The following MYO1E variants were observed in gnomAD, a reference collection of about 807,000 sequenced individuals.
MYO1E encodes the protein myosin IE.
In MYO1E, 68 loss-of-function variants were observed where a neutral mutation model predicts 151.1. The observed-to-expected ratio is 0.45, with a 90% CI of 0.37 to 0.55. MYO1E has a LOEUF of 0.55. Ranked by LOEUF, MYO1E falls within the 20% of genes least tolerant of loss-of-function variation. The probability of loss-of-function intolerance (pLI) is 0.00; values close to 1 mark genes in which losing one functional copy is unlikely to be tolerated. For synonymous variants in MYO1E, 601 were observed against 501.7 expected, an observed-to-expected ratio of 1.20 and a Z score of -2.64; for missense variants, 1,363 against 1,389.3, an observed-to-expected ratio of 0.98 and a Z score of 0.30.
chr15:59,319,851 G>A (rs1011246632), intron 1 of MYO1E, among the ~76,000 whole-genome samples: 2 of 151,992 alleles, frequency 1.3e-5, no homozygotes, highest in African/African-American at 2.4e-5. Context: ...GCAGTGAGCC[G>A]AGACCATGCC....
At chr15:59,292,309 C>T (rs577278959) in intron 1 of MYO1E, among the ~76,000 whole-genome samples, 2 of 152,298 alleles carry the variant, frequency 1.3e-5, no homozygotes, top group East Asian at 3.9e-4. Context: ...AAGCCTTAAT[C>T]CACCTTTTCC....
At chr15:59,333,331 C>A (rs1314615950) in intron 1 of MYO1E, among the ~76,000 whole-genome samples, 1 of 152,094 alleles carries the variant, frequency 6.6e-6, no homozygotes, top group Non-Finnish European at 1.5e-5. Flanking sequence ...CCTTGAACTC[C>A]CAGGCTCAAG....
At chr15:59,358,600 C>T (rs560266046) in intron 1 of MYO1E, among the ~76,000 whole-genome samples, 2 of 152,224 alleles carry the variant, frequency 1.3e-5, no homozygotes, top group Admixed American at 1.3e-4. Context: ...GATATTAAGG[C>T]CCAGCAATTT....
At chr15:59,353,807 T>C (rs569797468) in intron 1 of MYO1E, among the ~76,000 whole-genome samples, 10 of 150,700 alleles carry the variant, frequency 6.6e-5, no homozygotes, top group African/African-American at 2.4e-4. Flanking sequence ...TAAAGAAACC[T>C]CTACATTTTG....
intron 2 of MYO1E, among the ~76,000 whole-genome samples, chr15:59,264,089 T>C (rs1483260576): frequency 2.6e-5 from 4 of 152,206 alleles, no homozygotes; most frequent in Non-Finnish European, 5.9e-5. Context: ...CTTTTTTTCA[T>C]ATTTTGGAAC....
At chr15:59,280,337 A>T (rs1433533526) in intron 1 of MYO1E, among the ~76,000 whole-genome samples, 4 of 152,194 alleles carry the variant, frequency 2.6e-5, no homozygotes, top group African/African-American at 9.7e-5. Flanking sequence ...AGGATGTCTT[A>T]TAATCAACTG....
intron 6 of MYO1E, among the ~76,000 whole-genome samples, chr15:59,231,206 C>A (rs145624617): frequency 6.6e-6 from 1 of 152,126 alleles, no homozygotes; most frequent in Non-Finnish European, 1.5e-5. Context: ...CAGAGGGCTG[C>A]GGTGGGCAGG....
intron 4 of MYO1E, among the ~76,000 whole-genome samples, chr15:59,240,248 T>G (rs563452300): frequency 2.6e-5 from 4 of 152,346 alleles, no homozygotes; most frequent in African/African-American, 4.8e-5. Context: ...AGTCTAGGAA[T>G]AGGAATTTCT....
chr15:59,354,537 T>A (rs1049267104), intron 1 of MYO1E, among the ~76,000 whole-genome samples: 3 of 152,198 alleles, frequency 2.0e-5, no homozygotes, highest in Admixed American at 6.5e-5. Context: ...GTGGCAGAAC[T>A]CGAACAGACT....
chr15:59,183,325 T>G (rs984509631), intron 18 of MYO1E, among the ~76,000 whole-genome samples: 2 of 148,418 alleles, frequency 1.3e-5, no homozygotes, highest in Non-Finnish European at 3.0e-5. Flanking sequence ...AAACCCAGAA[T>G]AGATTAAAAA....
rs113881904 is a variant in MYO1E, at chr15:59,217,806, G to A, written c.1107+85C>T. ...GCCTCTCAAAGTACTGGGATTACAG[G>A]TGTGAGCCACCGCACCCAGCCTACT... On this transcript the variant is annotated intron_variant, in intron 10 of 27. Coordinates refer to ENST00000288235, the MANE Select transcript of MYO1E (RefSeq NM_004998.4). The A allele has an allele frequency of 3.3e-3, 4,916 of 1,473,916 alleles. 137 individuals are homozygous for A. The African/African-American group carries it at 0.059, about 18-fold the overall frequency. 91.3% of individuals were successfully genotyped at this position (1,473,916 alleles called of 1,614,324 possible). A position where few individuals can be genotyped will look rare whatever the true frequency, so the allele number is the denominator to read the frequency against.
At chr15:59,176,161 C>A (rs1190956272) in intron 19 of MYO1E, among the ~76,000 whole-genome samples, 1 of 152,014 alleles carries the variant, frequency 6.6e-6, no homozygotes, top group African/African-American at 2.4e-5. Flanking sequence ...TGGGTTCACG[C>A]CATTCTCCTG....
chr15:59,302,950 C>A (rs1277705373), intron 1 of MYO1E, among the ~76,000 whole-genome samples: 5 of 152,110 alleles, frequency 3.3e-5, no homozygotes, highest in African/African-American at 1.2e-4. Context: ...TCTCTTAGGC[C>A]AAGGCATCTC....
At chr15:59,267,470 G>A (rs1055549679) in intron 2 of MYO1E, among the ~76,000 whole-genome samples, 7 of 152,204 alleles carry the variant, frequency 4.6e-5, no homozygotes, top group Admixed American at 6.5e-5. Context: ...CCTGGAACTC[G>A]AAGCTTTGGC....
In MYO1E at chr15:59,292,530, CAATGTGCAGTTCCT is replaced by C. The variant is rs558928026; in HGVS notation, c.4-20095_4-20082del. ...ACAGATGGCAATGGGAGGCCTAAAA[CAATGTGCAGTTCCT>C]TTCTATTCTGGTTTGCCCCATTGTG... On this transcript the variant is annotated intron_variant, in intron 1 of 27. Coordinates refer to ENST00000288235, the MANE Select transcript of MYO1E (RefSeq NM_004998.4). Among the ~76,000 whole-genome samples, 66 of 152,332 alleles carry C rather than the reference CAATGTGCAGTTCCT, an allele frequency of 4.3e-4. No homozygotes were observed. The South Asian group carries it at 0.013, about 31-fold the overall frequency.
intron 1 of MYO1E, among the ~76,000 whole-genome samples, chr15:59,276,022 G>A (rs892022379): frequency 6.6e-6 from 1 of 152,206 alleles, no homozygotes; most frequent in African/African-American, 2.4e-5. Flanking sequence ...GCTCTAGGGA[G>A]CAGAGGCTGA....
At chr15:59,290,242 C>T (rs2080411149) in intron 1 of MYO1E, among the ~76,000 whole-genome samples, 1 of 152,132 alleles carries the variant, frequency 6.6e-6, no homozygotes, top group South Asian at 2.1e-4. Flanking sequence ...ATGGATTCCC[C>T]ACTCGGTGAA....
chr15:59,153,912 C>T (rs1379737819), intron 25 of MYO1E, 121 bp from the exon 26 acceptor site: 10 of 922,478 alleles, frequency 1.1e-5, no homozygotes, highest in South Asian at 5.7e-5. Flanking sequence ...TCTCAATTTC[C>T]GCATTTGAAA....
intron 4 of MYO1E, among the ~76,000 whole-genome samples, chr15:59,243,249 C>T (rs931039304): frequency 3.9e-5 from 6 of 151,954 alleles, no homozygotes. Context: ...CGCAGTTGTT[C>T]ATCTATTAAA....
Sources: gnomAD v4.1 joint callset for allele counts (sites outside exome capture counted in the v4.1 genomes callset) on GRCh38, gnomAD v4.1.1 for gene constraint, MANE v1.5 for transcripts, NCBI Gene and HGNC (gene_info 2026-07-23, HGNC 2026-07-21) for gene names.